CDK5RAP2: variants seen among roughly 807,000 people sequenced by gnomAD.
CDK5RAP2 encodes the protein CDK5 regulatory subunit associated protein 2.
CDK5RAP2 carries 147 observed loss-of-function variants against 232.9 expected under a neutral mutation model. The ratio of observed to expected loss-of-function variants is 0.63; its 90% CI spans 0.55 to 0.72. The LOEUF (loss-of-function observed/expected upper bound fraction) is 0.72, where lower values mean the gene tolerates loss of function less well. Among genes scored for constraint, CDK5RAP2 ranks in the 30% least tolerant of loss-of-function variants. The pLI, the probability that CDK5RAP2 is intolerant of heterozygous loss-of-function variation, is 0.00. For missense variants in CDK5RAP2, 2,195 were observed against 2,231.5 expected, an observed-to-expected ratio of 0.98 and a Z score of 0.33; for synonymous variants, 833 against 833.7, an observed-to-expected ratio of 1.00 and a Z score of 0.01.
chr9:120,424,704 T>C, intron 25 of CDK5RAP2, among the ~76,000 whole-genome samples: 1 of 143,622 alleles, frequency 7.0e-6, no homozygotes, highest in Non-Finnish European at 1.5e-5. Context: ...CACAGCTCTT[T>C]TTTTTTTTTT....
At position 120,389,063 on chromosome 9, in the gene CDK5RAP2, T is replaced by A; in HGVS notation, c.*173A>T. 1.5e-6 allele frequency: 1 copy of A among 655,906 alleles called. No homozygotes were observed. The highest frequency in any genetic ancestry group is 2.7e-5 in the East Asian group (1 of 36,764). 40.6% of individuals were successfully genotyped at this position (655,906 alleles called of 1,614,324 possible). A position where few individuals can be genotyped will look rare whatever the true frequency, so the allele number is the denominator to read the frequency against. On this transcript the variant is annotated 3_prime_UTR_variant, in exon 38 of 38. Coordinates refer to ENST00000349780, the MANE Select transcript of CDK5RAP2 (RefSeq NM_018249.6). ...CACCCGTTTGTGGAGCACCTGCACCTTTCTGACAACAACTCTCAAGCCAAC... is the reference window on the plus strand; with the variant it reads ...CACCCGTTTGTGGAGCACCTGCACCATTCTGACAACAACTCTCAAGCCAAC...
intron 7 of CDK5RAP2, among the ~76,000 whole-genome samples, chr9:120,535,920 T>C (rs573922609): frequency 6.6e-6 from 1 of 152,344 alleles, no homozygotes; most frequent in East Asian, 1.9e-4. Context: ...TGTTATTTCT[T>C]GTGGGGGCAG....
At position 120,542,894 on chromosome 9, in the gene CDK5RAP2, C is replaced by T. The variant is rs78224110; in HGVS notation, c.383+2820G>A. Among the ~76,000 whole-genome samples the T allele has an allele frequency of 6.7e-3, 1,024 of 152,268 alleles. 19 individuals carry two copies. The highest frequency in any genetic ancestry group is 0.023 in the African/African-American group (975 of 41,560). The stretch of plus-strand genomic sequence containing the variant: ...CTGATGCGGGCTAGAGGAAGCCATG[C>T]GCGGTTCCAGATCTGAAGCTTTACA... On this transcript the variant is annotated intron_variant, in intron 5 of 37. Transcript: ENST00000349780.
At chr9:120,431,028 C>T (rs546687827) in intron 25 of CDK5RAP2, among the ~76,000 whole-genome samples, 2 of 152,046 alleles carry the variant, frequency 1.3e-5, no homozygotes, top group Non-Finnish European at 2.9e-5. Context: ...AACCAAACAC[C>T]GCATGTTCTC....
chr9:120,464,759 C>T (rs2037281832), intron 18 of CDK5RAP2, among the ~76,000 whole-genome samples: 1 of 151,458 alleles, frequency 6.6e-6, no homozygotes, highest in South Asian at 2.1e-4. Context: ...CCGCCACTAG[C>T]ATACCAAAAA....
chr9:120,408,744 C>T (rs1048632379), intron 30 of CDK5RAP2, among the ~76,000 whole-genome samples: 1 of 152,260 alleles, frequency 6.6e-6, no homozygotes, highest in African/African-American at 2.4e-5. Context: ...GCCCCCTCTC[C>T]AGATACACTG....
intron 5 of CDK5RAP2, among the ~76,000 whole-genome samples, chr9:120,544,991 CACTG>C (rs1442549760): frequency 6.6e-6 from 1 of 152,174 alleles, no homozygotes; most frequent in Admixed American, 6.5e-5. Flanking sequence ...TCAATTGATT[CACTG>C]ACTGTATTTG....
At chr9:120,465,479 C>T (rs2037325843) in intron 18 of CDK5RAP2, among the ~76,000 whole-genome samples, 1 of 151,818 alleles carries the variant, frequency 6.6e-6, no homozygotes, top group Non-Finnish European at 1.5e-5. Flanking sequence ...AGGAACTGAG[C>T]ACCGTGGTAC....
At chr9:120,558,370 T>TAAAA (rs2042320373) in intron 3 of CDK5RAP2, among the ~76,000 whole-genome samples, 1 of 450 alleles carries the variant, frequency 2.2e-3, no homozygotes, top group Admixed American at 0.25. Flanking sequence ...AGACTCCGTC[T>TAAAA]CAAAAAAAAA....
chr9:120,428,982 T>C (rs1342292303), intron 25 of CDK5RAP2, among the ~76,000 whole-genome samples: 3 of 151,784 alleles, frequency 2.0e-5, no homozygotes, highest in Non-Finnish European at 3.0e-5. Context: ...TAATCCAGCA[T>C]ATAAACAGAA....
intron 3 of CDK5RAP2, among the ~76,000 whole-genome samples, chr9:120,566,407 A>T (rs1190021785): frequency 6.6e-6 from 1 of 152,228 alleles, no homozygotes; most frequent in East Asian, 1.9e-4. Context: ...TAAAGAAAAA[A>T]ACATAAATCC....
intron 3 of CDK5RAP2, among the ~76,000 whole-genome samples, chr9:120,564,238 C>T (rs2042562989): frequency 6.6e-6 from 1 of 152,178 alleles, no homozygotes; most frequent in Admixed American, 6.5e-5. Context: ...GAGGCCAAGG[C>T]AGGCGGATCA....
intron 1 of CDK5RAP2, among the ~76,000 whole-genome samples, chr9:120,578,351 A>C (rs1465458331): frequency 6.6e-6 from 1 of 152,226 alleles, no homozygotes; most frequent in Non-Finnish European, 1.5e-5. Flanking sequence ...GAGAGAAGCC[A>C]TACTCCCAAT....
intron 25 of CDK5RAP2, among the ~76,000 whole-genome samples, chr9:120,433,042 A>G (rs1466751330): frequency 6.6e-6 from 1 of 152,212 alleles, no homozygotes; most frequent in Non-Finnish European, 1.5e-5. Context: ...AGTCCTGGGA[A>G]CCGGTATTAG....
rs895527241 is a variant in CDK5RAP2 at position 120,537,819 on chromosome 9, C to T, written c.507+1222G>A. On this transcript the variant is annotated intron_variant, in intron 6 of 37. Transcript: ENST00000349780. ...ATGTCTCACACAATGAAATGGTAAGCCCACAATAAATTGTTAATACCACAG... is the reference window on the plus strand; with the variant it reads ...ATGTCTCACACAATGAAATGGTAAGTCCACAATAAATTGTTAATACCACAG... 2.8e-4 allele frequency among the ~76,000 whole-genome samples: 43 copies of T among 152,276 alleles called. 1 individual carries two copies. The highest frequency in any genetic ancestry group is 9.9e-4 in the African/African-American group (41 of 41,548).
intron 17 of CDK5RAP2, among the ~76,000 whole-genome samples, chr9:120,469,490 A>G (rs1210647396): frequency 6.6e-6 from 1 of 152,192 alleles, no homozygotes; most frequent in African/African-American, 2.4e-5. Context: ...ATACATGATA[A>G]TTTTATAATA....
intron 25 of CDK5RAP2, among the ~76,000 whole-genome samples, chr9:120,427,739 G>A (rs991943922): frequency 1.3e-5 from 2 of 152,126 alleles, no homozygotes; most frequent in Non-Finnish European, 2.9e-5. Context: ...TGGTTTGAAC[G>A]GAATCATGGA....
At position 120,422,682 on chromosome 9, in the gene CDK5RAP2, T is replaced by G. The variant is rs746874710; in HGVS notation, c.4004+11A>C. ...CCTGGGAAGTCTTCTTAACAAATGT[T>G]ACACACTCACCTCTCCATCAGTTCA... On this transcript the variant is annotated intron_variant, in intron 26 of 37. Transcript: ENST00000349780. 3.7e-6 allele frequency: 6 copies of G among 1,605,992 alleles called. No individual in the cohort carries two copies. In the South Asian group the frequency reaches 5.5e-5, roughly 15 times the overall value.
chr9:120,507,934 AAAAAAAAAATATATAT>A (rs1237512435), intron 12 of CDK5RAP2, among the ~76,000 whole-genome samples: 22 of 73,518 alleles, frequency 3.0e-4, no homozygotes, highest in African/African-American at 9.8e-4. Context: ...AAAAAAAAAA[AAAAAAAAAATATATAT>A]ATATATATAT....
Sources: allele counts gnomAD v4.1 joint callset (sites outside exome capture counted in the v4.1 genomes callset), GRCh38; gene constraint gnomAD v4.1.1; transcripts MANE v1.5; gene names NCBI Gene and HGNC (gene_info 2026-07-23, HGNC 2026-07-21).